The following TRAK1 variants were observed in gnomAD, a reference collection of about 807,000 sequenced individuals.
TRAK1 encodes trafficking kinesin protein 1.
In TRAK1, 33 loss-of-function variants were observed where a neutral mutation model predicts 92.1. That is an observed-to-expected ratio of 0.36 (90% CI 0.27 to 0.48). TRAK1 has a LOEUF of 0.48. Ranked by LOEUF, TRAK1 falls within the 20% of genes least tolerant of loss-of-function variation. The probability of loss-of-function intolerance (pLI) is 0.99; values close to 1 mark genes in which losing one functional copy is unlikely to be tolerated. For synonymous variants in TRAK1, 521 were observed against 517.3 expected (o/e 1.01, Z -0.10); for missense variants, 1,123 against 1,257.9 (o/e 0.89, Z 1.62).
chr3:42,214,424 A>G (rs2149523348), intron 14 of TRAK1, among the ~76,000 whole-genome samples: 1 of 152,342 alleles, frequency 6.6e-6, no homozygotes, highest in East Asian at 1.9e-4. Flanking sequence ...CAGAGGGTAT[A>G]GGGACCAGCT....
intron 14 of TRAK1, 82 bp from the exon 15 acceptor site, chr3:42,219,412 C>T: frequency 2.5e-6 from 4 of 1,608,520 alleles, no homozygotes; most frequent in Non-Finnish European, 3.4e-6. Flanking sequence ...CTTCTTGCAT[C>T]TGTTGAGTGA....
chr3:42,182,327 CAG>C (rs61064716), intron 3 of TRAK1, among the ~76,000 whole-genome samples: 1,823 of 148,732 alleles, frequency 0.012, 33 homozygotes, highest in African/African-American at 0.043. Context: ...TTTTTTGAGA[CAG>C]AGTCTCTCTC....
intron 1 of TRAK1, among the ~76,000 whole-genome samples, chr3:42,059,133 T>C (rs1703323232): frequency 6.6e-6 from 1 of 152,100 alleles, no homozygotes; most frequent in Non-Finnish European, 1.5e-5. Flanking sequence ...CTTGTTCTGT[T>C]GCCCAGGCTG....
chr3:42,155,598 G>A (rs923366769), intron 2 of TRAK1, among the ~76,000 whole-genome samples: 3 of 152,142 alleles, frequency 2.0e-5, no homozygotes, highest in Non-Finnish European at 2.9e-5. Flanking sequence ...GGGAGATGCA[G>A]GATGTGGAAG....
intron 2 of TRAK1, among the ~76,000 whole-genome samples, chr3:42,171,648 G>A (rs1375710658): frequency 2.0e-5 from 3 of 152,058 alleles, no homozygotes; most frequent in African/African-American, 7.3e-5. Context: ...AGAAGCCCTG[G>A]ACAGTGTCAA....
chr3:42,035,420 C>T (rs988740526), intron 1 of TRAK1, among the ~76,000 whole-genome samples: 59 of 152,138 alleles, frequency 3.9e-4, no homozygotes, highest in Non-Finnish European at 5.3e-4. Context: ...CTGCTCATTC[C>T]GCACCTCCAT....
chr3:42,053,375 T>TG (rs760432112), intron 1 of TRAK1, among the ~76,000 whole-genome samples: 2,824 of 50,474 alleles, frequency 0.056, 108 homozygotes, highest in East Asian at 0.18. Flanking sequence ...CAGAGTCGGG[T>TG]GGGGGGGGGG....
intron 5 of TRAK1, 35 bp downstream of exon 5, chr3:42,188,180 G>A: frequency 6.2e-7 from 1 of 1,604,604 alleles, no homozygotes; most frequent in South Asian, 1.1e-5. Context: ...CTGGAGGCCA[G>A]AGCACAGGCT....
chr3:42,200,644 G>T (rs1250711902), intron 11 of TRAK1, among the ~76,000 whole-genome samples, 174 bp from the exon 12 acceptor site: 4 of 152,162 alleles, frequency 2.6e-5, no homozygotes, highest in African/African-American at 9.7e-5. Context: ...ATTTCGCATT[G>T]TGAAGGAGGC....
chr3:42,139,778 C>G (rs185888821), intron 2 of TRAK1, among the ~76,000 whole-genome samples: 1 of 152,218 alleles, frequency 6.6e-6, no homozygotes, highest in East Asian at 1.9e-4. Flanking sequence ...AAAGCTGGAA[C>G]GGACTCAGGT....
At chr3:42,073,743 C>T (rs1382581086) in intron 1 of TRAK1, among the ~76,000 whole-genome samples, 3 of 152,168 alleles carry the variant, frequency 2.0e-5, no homozygotes, top group East Asian at 1.9e-4. Context: ...TTTTCCACTG[C>T]GCAGCCACTT....
At chr3:42,088,183 C>T (rs1358052451), upstream of TRAK1, among the ~76,000 whole-genome samples, 1 of 152,222 alleles carries the variant, frequency 6.6e-6, no homozygotes, top group Non-Finnish European at 1.5e-5. Context: ...CTGATGACAG[C>T]TTAATATATG....
At chr3:42,130,638 G>A (rs1392855362) in intron 2 of TRAK1, among the ~76,000 whole-genome samples, 1 of 152,076 alleles carries the variant, frequency 6.6e-6, no homozygotes, top group Non-Finnish European at 1.5e-5. Context: ...CACTGGGTTG[G>A]ACCAATGCAG....
intron 2 of TRAK1, chr3:42,160,302 G>A (rs1274051874): frequency 5.7e-6 from 9 of 1,592,244 alleles, no homozygotes; most frequent in South Asian, 2.3e-5. Context: ...GTAGGGGGTC[G>A]GGGGCACCCC....
intron 14 of TRAK1, among the ~76,000 whole-genome samples, chr3:42,215,239 C>T (rs1397536285): frequency 6.6e-6 from 1 of 152,162 alleles, no homozygotes; most frequent in East Asian, 1.9e-4. Flanking sequence ...TAAAGCATTG[C>T]TTCTTCCCTA....
At position 42,211,503 on chromosome 3, in the gene TRAK1, G is replaced by T. The variant is rs57337308; in HGVS notation, c.1963+1518G>T. 33 of 985,300 alleles carry T rather than the reference G, an allele frequency of 3.3e-5. No individual in the cohort carries two copies. In the Admixed American group the frequency reaches 6.8e-4, roughly 20 times the overall value. The allele number at this position is 985,300 out of a possible 1,614,324, so 61.0% of individuals were successfully genotyped here. A position where few individuals can be genotyped will look rare whatever the true frequency, so the allele number is the denominator to read the frequency against. On this transcript the variant is annotated intron_variant, in intron 14 of 15. Transcript: ENST00000327628. ...ATTTTTGTCATCAGCACCAGTGTCC[G>T]TCAGGAAGGCAGGTGGTGGTGCAGA...
intron 2 of TRAK1, chr3:42,146,173 A>G: frequency 2.8e-6 from 1 of 351,224 alleles, no homozygotes; most frequent in Non-Finnish European, 5.7e-6. Flanking sequence ...ACAAGGAGGA[A>G]AAAATACCTT....
At chr3:42,211,212 G>A in intron 14 of TRAK1, 4 of 985,416 alleles carry the variant, frequency 4.1e-6, no homozygotes, top group Non-Finnish European at 4.8e-6. Flanking sequence ...AAGAGCTGAG[G>A]TTCTTGGTGG....
At chr3:42,194,703 G>A in intron 9 of TRAK1, 101 bp from the exon 10 acceptor site, 2 of 1,412,872 alleles carry the variant, frequency 1.4e-6, no homozygotes, top group Non-Finnish European at 1.9e-6. Context: ...ACGTGCTGGG[G>A]ACTCTTAGAT....
Sources: gnomAD v4.1 joint callset for allele counts (sites outside exome capture counted in the v4.1 genomes callset) on GRCh38, gnomAD v4.1.1 for gene constraint, MANE v1.5 for transcripts, NCBI Gene and HGNC (gene_info 2026-07-23, HGNC 2026-07-21) for gene names.